Variants in ARMH4 observed in about 807,000 individuals in gnomAD.
ARMH4 encodes the protein armadillo like helical domain containing 4, also known as armadillo-like helical domain-containing protein 4.
ARMH4 carries 49 observed loss-of-function variants against 61.9 expected under a neutral mutation model. The observed-to-expected ratio is 0.79, with a 90% CI of 0.63 to 1.00. The LOEUF is 1.00. Among genes scored for constraint, ARMH4 ranks in the 50% least tolerant of loss-of-function variants. The pLI is 0.00. For missense variants in ARMH4, 934 were observed against 930.0 expected, an observed-to-expected ratio of 1.00 and a Z score of -0.06; for synonymous variants, 368 against 341.5, an observed-to-expected ratio of 1.08 and a Z score of -0.85.
intron 4 of ARMH4, among the ~76,000 whole-genome samples, chr14:58,114,374 G>A (rs141985207): frequency 6.6e-6 from 1 of 152,222 alleles, no homozygotes; most frequent in African/African-American, 2.4e-5. Flanking sequence ...CCTCTTCCTT[G>A]CAGTTAATTC....
intron 5 of ARMH4, among the ~76,000 whole-genome samples, chr14:58,013,975 G>GGGCA (rs1417667829): frequency 1.3e-5 from 2 of 152,040 alleles, no homozygotes; most frequent in Non-Finnish European, 2.9e-5. Context: ...AGTGAGCCAA[G>GGGCA]GGCACACCAC....
rs1275473059 is a variant in ARMH4, at chr14:58,002,815, A to C, written c.*1921T>G. ...CATGATTCTGAATTCTATTTTTAAA[A>C]TCTGACCTTGAGCTAATTTGCCAGT... is the stretch of plus-strand genomic sequence containing the variant. On this transcript the variant is annotated 3_prime_UTR_variant, in exon 8 of 8. Coordinates refer to ENST00000267485, the MANE Select transcript of ARMH4 (RefSeq NM_001001872.4). 11 of 152,232 alleles carry C rather than the reference A, an allele frequency of 7.2e-5. No homozygotes were observed. The highest frequency in any genetic ancestry group is 2.9e-5 in the Non-Finnish European group (2 of 68,038). 9.4% of individuals were successfully genotyped at this position (152,232 alleles called of 1,614,324 possible).
At chr14:58,117,932 A>G (rs1886586136) in intron 4 of ARMH4, among the ~76,000 whole-genome samples, 1 of 151,772 alleles carries the variant, frequency 6.6e-6, no homozygotes, top group Non-Finnish European at 1.5e-5. Flanking sequence ...CTAATTAAAA[A>G]AAAAAAAAAT....
intron 5 of ARMH4, among the ~76,000 whole-genome samples, chr14:58,043,499 T>C (rs1362860332): frequency 6.6e-6 from 1 of 152,196 alleles, no homozygotes; most frequent in Non-Finnish European, 1.5e-5. Flanking sequence ...GCCAATATCA[T>C]ACTGAATGGG....
In ARMH4 at chr14:58,004,550, A is replaced by G. The variant is rs1882088146; in HGVS notation, c.*186T>C. On this transcript the variant is annotated 3_prime_UTR_variant, in exon 8 of 8. Coordinates refer to ENST00000267485, the MANE Select transcript of ARMH4 (RefSeq NM_001001872.4). ...AGAATAAAACCAAATACTGCATGAT[A>G]CGTTTAGTATACAACATGCCATTTC... 1 of 498,616 alleles carries G rather than the reference A, an allele frequency of 2.0e-6. No homozygotes were observed. The allele number at this position is 498,616 out of a possible 1,614,324, so 30.9% of individuals were successfully genotyped here.
At chr14:58,089,751 T>C (rs1233325626) in intron 5 of ARMH4, among the ~76,000 whole-genome samples, 2 of 152,190 alleles carry the variant, frequency 1.3e-5, no homozygotes, top group Non-Finnish European at 2.9e-5. Flanking sequence ...AAGGCTGATA[T>C]AAATTAGAGG....
chr14:58,108,269 A>G (rs1290578277), intron 4 of ARMH4, among the ~76,000 whole-genome samples: 1 of 152,214 alleles, frequency 6.6e-6, no homozygotes, highest in East Asian at 1.9e-4. Flanking sequence ...CATTTCTAAA[A>G]TGGAAATATT....
intron 5 of ARMH4, among the ~76,000 whole-genome samples, chr14:58,019,326 T>C (rs79429361): frequency 0.016 from 2,503 of 152,302 alleles, 76 homozygotes; most frequent in African/African-American, 0.055. Flanking sequence ...CTTTCTACAA[T>C]GTATACATAT....
intron 5 of ARMH4, among the ~76,000 whole-genome samples, chr14:58,078,816 C>T (rs1463739931): frequency 6.6e-6 from 1 of 152,198 alleles, no homozygotes; most frequent in Non-Finnish European, 1.5e-5. Context: ...AGGGGCTGTA[C>T]TTTGCTGACC....
rs1040101780 is a variant in ARMH4, at chr14:58,002,380, C to T, written c.*2356G>A. 1 of 152,120 alleles carries T rather than the reference C, an allele frequency of 6.6e-6. No individual in the cohort carries two copies. Among genetic ancestry groups the T allele is most frequent in the African/African-American group, 2.4e-5 (1 of 41,394 alleles). 9.4% of individuals were successfully genotyped at this position (152,120 alleles called of 1,614,324 possible). ...AGTATAATCTTTTCCTTTAAGAAATCATGTGTCCCAAAAAGGACCACAGAG... is the reference window on the plus strand; with the variant it reads ...AGTATAATCTTTTCCTTTAAGAAATTATGTGTCCCAAAAAGGACCACAGAG... On this transcript the variant is annotated 3_prime_UTR_variant, in exon 8 of 8. Transcript: ENST00000267485.
intron 6 of ARMH4, among the ~76,000 whole-genome samples, chr14:58,011,673 T>A (rs1455455913): frequency 6.6e-6 from 1 of 151,838 alleles, no homozygotes; most frequent in Non-Finnish European, 1.5e-5. Flanking sequence ...AAAATCTTTA[T>A]CTGTAGTTGG....
At chr14:58,094,090 G>A (rs1054760607) in intron 5 of ARMH4, among the ~76,000 whole-genome samples, 7 of 152,108 alleles carry the variant, frequency 4.6e-5, no homozygotes, top group Non-Finnish European at 1.0e-4. Context: ...AGCACTTTGG[G>A]AGGCCACGGC....
At chr14:58,032,613 G>A (rs1451596334) in intron 5 of ARMH4, among the ~76,000 whole-genome samples, 3 of 152,282 alleles carry the variant, frequency 2.0e-5, no homozygotes, top group South Asian at 4.1e-4. Context: ...CAGAAGACGG[G>A]TGATTTCTGC....
At chr14:58,024,391 C>T (rs1314726086) in intron 5 of ARMH4, among the ~76,000 whole-genome samples, 2 of 152,166 alleles carry the variant, frequency 1.3e-5, no homozygotes, top group African/African-American at 4.8e-5. Flanking sequence ...TCTGCAGCTT[C>T]CTCACTTCTC....
intron 4 of ARMH4, among the ~76,000 whole-genome samples, chr14:58,123,238 C>A (rs900929567): frequency 3.3e-5 from 5 of 152,172 alleles, no homozygotes; most frequent in East Asian, 1.9e-4. Flanking sequence ...GGAGAAGGAA[C>A]ACCCATTTGT....
chr14:58,051,891 G>A (rs966382503), intron 5 of ARMH4, among the ~76,000 whole-genome samples: 2 of 152,112 alleles, frequency 1.3e-5, no homozygotes, highest in African/African-American at 4.8e-5. Context: ...AGCTAGGCCT[G>A]ATTATCTAGT....
chr14:58,107,528 G>A (rs146063693), intron 4 of ARMH4, among the ~76,000 whole-genome samples: 187 of 152,226 alleles, frequency 1.2e-3, no homozygotes, highest in African/African-American at 4.4e-3. Context: ...CACTTTGGGA[G>A]GCCAAGGCAA....
intron 5 of ARMH4, among the ~76,000 whole-genome samples, chr14:58,094,691 G>A (rs1479702519): frequency 6.6e-6 from 1 of 152,154 alleles, no homozygotes; most frequent in African/African-American, 2.4e-5. Flanking sequence ...ACACAAAATG[G>A]TATATACCAT....
intron 5 of ARMH4, among the ~76,000 whole-genome samples, chr14:58,089,488 T>C (rs1885489885): frequency 6.6e-6 from 1 of 152,180 alleles, no homozygotes; most frequent in East Asian, 1.9e-4. Context: ...TTCCCACACT[T>C]AGGCTGCAAT....
Sources: gnomAD v4.1 joint callset for allele counts (sites outside exome capture counted in the v4.1 genomes callset) on GRCh38, gnomAD v4.1.1 for gene constraint, MANE v1.5 for transcripts, NCBI Gene and HGNC (gene_info 2026-07-23, HGNC 2026-07-21) for gene names.